Variants in PDE1C observed in about 807,000 individuals in gnomAD.
The protein encoded by PDE1C is phosphodiesterase 1C, also known as dual specificity calcium/calmodulin-dependent 3',5'-cyclic nucleotide phosphodiesterase 1C.
In PDE1C, 62 loss-of-function variants were observed where a neutral mutation model predicts 93.1. The observed-to-expected ratio is 0.67, with a 90% confidence interval of 0.54 to 0.82. The LOEUF is 0.82. Among genes scored for constraint, PDE1C ranks in the 40% least tolerant of loss-of-function variants. The pLI, the probability that PDE1C is intolerant of heterozygous loss-of-function variation, is 0.00. For missense variants in PDE1C, 742 were observed against 884.6 expected, an observed-to-expected ratio of 0.84 and a Z score of 2.04; for synonymous variants, 325 against 310.1, an observed-to-expected ratio of 1.05 and a Z score of -0.50.
chr7:32,191,721 T>C (rs763959752), intron 2 of PDE1C, among the ~76,000 whole-genome samples: 23 of 152,242 alleles, frequency 1.5e-4, no homozygotes, highest in Admixed American at 3.3e-4. Flanking sequence ...TTCATTTTTC[T>C]GGGATAAATG....
At chr7:31,969,692 CATATGTTT>C (rs1810613331) in intron 2 of PDE1C, among the ~76,000 whole-genome samples, 1 of 152,140 alleles carries the variant, frequency 6.6e-6, no homozygotes, top group Admixed American at 6.5e-5. Context: ...CACATGCACA[CATATGTTT>C]ATTGCAGTGC....
intron 1 of PDE1C, among the ~76,000 whole-genome samples, chr7:32,235,705 A>G (rs13221037): frequency 0.11 from 15,973 of 152,092 alleles, 897 homozygotes; most frequent in East Asian, 0.13. Flanking sequence ...AAGACTCAAT[A>G]TGGTAAAGAC....
intron 2 of PDE1C, among the ~76,000 whole-genome samples, chr7:31,966,376 T>A (rs1389557721): frequency 6.6e-6 from 1 of 152,126 alleles, no homozygotes; most frequent in African/African-American, 2.4e-5. Context: ...CATTACATAA[T>A]GGTAAAGGGA....
At chr7:32,376,164 G>A (rs215717) in intron 1 of PDE1C, among the ~76,000 whole-genome samples, 127,835 of 150,776 alleles carry the variant, frequency 0.85, 54,363 homozygotes, top group East Asian at 1. Flanking sequence ...GTCAAAAAAA[G>A]AAAGAAAGAA....
chr7:32,417,526 G>A (rs1009403836), intron 1 of PDE1C, among the ~76,000 whole-genome samples: 3 of 152,014 alleles, frequency 2.0e-5, no homozygotes, highest in East Asian at 1.9e-4. Flanking sequence ...CACAGGGTTC[G>A]AGTAACTTGC....
At chr7:32,427,623 T>C (rs914156728) in intron 1 of PDE1C, among the ~76,000 whole-genome samples, 1 of 152,240 alleles carries the variant, frequency 6.6e-6, no homozygotes, top group African/African-American at 2.4e-5. Flanking sequence ...TGCCACCTAC[T>C]GTTTAAACCT....
chr7:32,157,607 G>A (rs1801659618), intron 3 of PDE1C, among the ~76,000 whole-genome samples: 1 of 152,150 alleles, frequency 6.6e-6, no homozygotes, highest in Non-Finnish European at 1.5e-5. Context: ...AACACAGACT[G>A]TATATTAGAT....
intron 1 of PDE1C, among the ~76,000 whole-genome samples, chr7:32,338,895 C>T (rs1176561927): frequency 6.6e-6 from 1 of 151,788 alleles, no homozygotes; most frequent in Non-Finnish European, 1.5e-5. Flanking sequence ...CCCAGCTACT[C>T]GGGAGGCTGA....
At chr7:32,055,049 G>A (rs1793887686) in intron 1 of PDE1C, among the ~76,000 whole-genome samples, 1 of 152,120 alleles carries the variant, frequency 6.6e-6, no homozygotes, top group Admixed American at 6.5e-5. Flanking sequence ...GACTGCTCAT[G>A]GTCATGATCT....
chr7:31,774,754 A>G (rs1455527013), intron 17 of PDE1C, among the ~76,000 whole-genome samples: 1 of 152,234 alleles, frequency 6.6e-6, no homozygotes, highest in Non-Finnish European at 1.5e-5. Context: ...AAGGAAGGAA[A>G]CAAAACTCTA....
At chr7:31,966,490 A>C (rs1182913586) in intron 2 of PDE1C, among the ~76,000 whole-genome samples, 1 of 151,746 alleles carries the variant, frequency 6.6e-6, no homozygotes, top group Non-Finnish European at 1.5e-5. Context: ...AGAGACTTAG[A>C]CTCCCACACA....
At chr7:32,424,297 G>C (rs1308657389) in intron 1 of PDE1C, among the ~76,000 whole-genome samples, 5 of 152,172 alleles carry the variant, frequency 3.3e-5, no homozygotes, top group East Asian at 1.9e-4. Flanking sequence ...ATTTCCATGA[G>C]AGACAGCTGA....
intron 9 of PDE1C, among the ~76,000 whole-genome samples, chr7:31,847,145 G>A (rs1583585214): frequency 6.6e-6 from 1 of 152,100 alleles, no homozygotes; most frequent in Non-Finnish European, 1.5e-5. Context: ...TTATTGGCTT[G>A]CTATATATGA....
At chr7:31,639,748 G>C in the PDE1C span, among the ~76,000 whole-genome samples, 1 of 151,922 alleles carries the variant, frequency 6.6e-6, no homozygotes, top group South Asian at 2.1e-4. Flanking sequence ...GTGTTAGCCA[G>C]GCTCGTCTTG....
intron 2 of PDE1C, among the ~76,000 whole-genome samples, chr7:31,970,152 AT>A (rs373686774): frequency 6.6e-6 from 1 of 152,170 alleles, no homozygotes; most frequent in African/African-American, 2.4e-5. Context: ...TAATAATAAA[AT>A]TTTTTTAAAA....
At chr7:31,664,043 A>G in the PDE1C span, among the ~76,000 whole-genome samples, 330 of 152,324 alleles carry the variant, frequency 2.2e-3, 1 homozygote, top group African/African-American at 7.5e-3. Flanking sequence ...AGAAGCTTAC[A>G]GAGATTAAGT....
chr7:31,998,260 T>C (rs564632368), intron 2 of PDE1C, among the ~76,000 whole-genome samples: 26 of 152,050 alleles, frequency 1.7e-4, no homozygotes, highest in Middle Eastern at 3.4e-3. Flanking sequence ...ACCTCGTGAT[T>C]CTCCCGCCTT....
At chr7:32,132,247 TG>T (rs1362369456) in intron 3 of PDE1C, among the ~76,000 whole-genome samples, 3 of 152,046 alleles carry the variant, frequency 2.0e-5, no homozygotes, top group Admixed American at 6.6e-5. Flanking sequence ...GGGATCCAGG[TG>T]GGAGCCAGCC....
intron 9 of PDE1C, among the ~76,000 whole-genome samples, chr7:31,843,461 T>G (rs1432060126): frequency 6.6e-6 from 1 of 151,898 alleles, no homozygotes. Flanking sequence ...TCTTTCACAA[T>G]ATCCTTTTTC....
Sources: gnomAD v4.1 joint callset for allele counts (sites outside exome capture counted in the v4.1 genomes callset) on GRCh38, gnomAD v4.1.1 for gene constraint, MANE v1.5 for transcripts, NCBI Gene and HGNC (gene_info 2026-07-23, HGNC 2026-07-21) for gene names.